PCDH9: variants seen among roughly 807,000 people sequenced by gnomAD.
PCDH9 encodes the protein protocadherin-9.
PCDH9 carries 24 observed loss-of-function variants against 70.6 expected under a neutral mutation model. That is an observed-to-expected ratio of 0.34 (90% confidence interval 0.25 to 0.48). PCDH9 has a LOEUF of 0.48. PCDH9 is among the 20% of genes least tolerant of loss of function. The pLI is 0.99. For synonymous variants in PCDH9, 562 were observed against 558.5 expected, an observed-to-expected ratio of 1.01 and a Z score of -0.09; for missense variants, 1,281 against 1,503.6, an observed-to-expected ratio of 0.85 and a Z score of 2.45.
intron 3 of PCDH9, chr13:66,877,065 CTGAAA>C (rs2081825805): frequency 7.9e-6 from 1 of 127,374 alleles, no homozygotes; most frequent in African/African-American, 3.3e-5. Flanking sequence ...AATGCATTAA[CTGAAA>C]GATAGAAAAG....
chr13:66,304,433 C>T lies in PCDH9; in HGVS notation c.*222G>A. The T allele has an allele frequency of 1.2e-5, 6 of 509,044 alleles. No homozygotes were observed. Among genetic ancestry groups the T allele is most frequent in the Non-Finnish European group, 2.1e-5 (6 of 286,638 alleles). The allele number at this position is 509,044 out of a possible 1,614,324, so 31.5% of individuals were successfully genotyped here. A position where few individuals can be genotyped will look rare whatever the true frequency, so the allele number is the denominator to read the frequency against. On this transcript the variant is annotated 3_prime_UTR_variant, in exon 5 of 5. Transcript: ENST00000377865. ...AAAAAAATTTGCACAATGGAGAGAT[C>T]TCTGGAGAGTGTAATCAATTCTAGT...
intron 4 of PCDH9, among the ~76,000 whole-genome samples, chr13:66,361,815 T>C (rs972025878): frequency 6.6e-6 from 1 of 152,192 alleles, no homozygotes; most frequent in East Asian, 1.9e-4. Flanking sequence ...CATAGGTTTA[T>C]CTGCAATGAT....
chr13:66,869,539 T>C (rs1194930652), intron 3 of PCDH9, among the ~76,000 whole-genome samples: 2 of 152,142 alleles, frequency 1.3e-5, no homozygotes, highest in African/African-American at 4.8e-5. Context: ...CTAAATTGTA[T>C]TGTTTCCCAT....
chr13:66,356,151 A>G (rs577126261), intron 4 of PCDH9, among the ~76,000 whole-genome samples: 1 of 152,270 alleles, frequency 6.6e-6, no homozygotes, highest in African/African-American at 2.4e-5. Context: ...AATTCAGAAC[A>G]AAAAGTATTG....
At chr13:66,833,762 G>A (rs973937443) in intron 3 of PCDH9, among the ~76,000 whole-genome samples, 1 of 152,146 alleles carries the variant, frequency 6.6e-6, no homozygotes, top group African/African-American at 2.4e-5. Flanking sequence ...AGGCATTTAT[G>A]AGTATATGAT....
intron 2 of PCDH9, among the ~76,000 whole-genome samples, chr13:67,031,924 T>C (rs1478599317): frequency 1.3e-5 from 2 of 152,170 alleles, no homozygotes; most frequent in African/African-American, 2.4e-5. Context: ...TTAGACCTCA[T>C]TGATGTAGCA....
rs748615430 is a variant in PCDH9, at chr13:67,227,338, T to C, written c.1103A>G (p.Asn368Ser). The change falls in exon 2 of 5, where the codon AAT (asparagine) becomes AGT (serine). Residue 368 changes from asparagine to serine, a missense_variant. Coordinates refer to ENST00000377865, the MANE Select transcript of PCDH9 (RefSeq NM_203487.3). This position sits in a 1 kb window ranked among gnomAD's most constrained non-coding sequence, Gnocchi z 4.6. The stretch of plus-strand genomic sequence containing the variant: ...TTTCTCAGATAAATACACGGTGCCA[T>C]TGATGGGACTTATAATGTACCTGAG... ...IDLRYIISPI[N>S]GTVYLSEKDP... The C allele has an allele frequency of 2.5e-6, 4 of 1,613,986 alleles. No homozygotes were observed. Among genetic ancestry groups the C allele is most frequent in the South Asian group, 2.2e-5 (2 of 91,062 alleles).
chr13:67,199,339 G>T (rs1467133758), intron 2 of PCDH9, among the ~76,000 whole-genome samples: 1 of 151,500 alleles, frequency 6.6e-6, no homozygotes, highest in African/African-American at 2.4e-5. Context: ...CTGTTTAAAG[G>T]TTAGTCATAA....
intron 4 of PCDH9, among the ~76,000 whole-genome samples, chr13:66,350,628 CTACCCTT>C (rs1419859952): frequency 6.6e-6 from 1 of 152,194 alleles, no homozygotes; most frequent in Admixed American, 6.5e-5. Context: ...AATTATATGA[CTACCCTT>C]TATTCTGTCT....
intron 4 of PCDH9, among the ~76,000 whole-genome samples, chr13:66,509,842 T>C (rs1421521323): frequency 1.3e-5 from 2 of 152,204 alleles, no homozygotes; most frequent in Non-Finnish European, 2.9e-5. Context: ...CCAAATGACA[T>C]CTTTCTAAAA....
intron 2 of PCDH9, among the ~76,000 whole-genome samples, chr13:66,998,728 C>G (rs1448378584): frequency 6.6e-6 from 1 of 152,200 alleles, no homozygotes; most frequent in African/African-American, 2.4e-5. Flanking sequence ...CTATAACCAG[C>G]CCTTACACTC....
At chr13:66,678,189 T>C (rs533016653) in intron 3 of PCDH9, among the ~76,000 whole-genome samples, 40 of 152,230 alleles carry the variant, frequency 2.6e-4, no homozygotes, top group African/African-American at 9.4e-4. Flanking sequence ...TGTTCAAACA[T>C]TGGCCTTAGC....
intron 4 of PCDH9, among the ~76,000 whole-genome samples, chr13:66,563,736 C>G (rs888533685): frequency 6.6e-6 from 1 of 152,164 alleles, no homozygotes; most frequent in Non-Finnish European, 1.5e-5. Context: ...CAAAACCATT[C>G]CTCCATTCCT....
intron 2 of PCDH9, among the ~76,000 whole-genome samples, chr13:67,151,322 C>T (rs1400669417): frequency 1.3e-5 from 2 of 152,092 alleles, no homozygotes; most frequent in African/African-American, 4.8e-5. Flanking sequence ...TTTGTATCCC[C>T]CAATTTGTTC....
chr13:67,093,544 T>A (rs1482903598), intron 2 of PCDH9, among the ~76,000 whole-genome samples: 1 of 152,124 alleles, frequency 6.6e-6, no homozygotes, highest in Non-Finnish European at 1.5e-5. Context: ...CAAAAACACC[T>A]TGGAGTAACA....
At chr13:66,717,795 A>T (rs2078891554) in intron 3 of PCDH9, among the ~76,000 whole-genome samples, 1 of 152,076 alleles carries the variant, frequency 6.6e-6, no homozygotes, top group African/African-American at 2.4e-5. Context: ...TCTGATTCTC[A>T]GAACAGAACT....
At chr13:67,014,612 C>T (rs75360178) in intron 2 of PCDH9, among the ~76,000 whole-genome samples, 2,662 of 150,734 alleles carry the variant, frequency 0.018, 37 homozygotes, top group Middle Eastern at 0.027. Flanking sequence ...AAATTCTGCC[C>T]TGTCCCACAC....
rs115383074 is a variant in PCDH9, at chr13:67,053,571, C to T, written c.3037-149966G>A. Among the ~76,000 whole-genome samples, 717 of 152,238 alleles carry T rather than the reference C, an allele frequency of 4.7e-3. 5 individuals carry two copies. Among genetic ancestry groups the T allele is most frequent in the African/African-American group, 0.017 (687 of 41,534 alleles). ...AGAGACAGCCTCTTTATTCTCCAGA[C>T]CACAAGCTATCTCAAAAGGAGTGAC... On this transcript the variant is annotated intron_variant, in intron 2 of 4. Transcript: ENST00000377865.
At chr13:66,900,083 G>C (rs1230908683) in intron 3 of PCDH9, among the ~76,000 whole-genome samples, 5 of 151,828 alleles carry the variant, frequency 3.3e-5, no homozygotes, top group Admixed American at 1.3e-4. Context: ...AATATGCATA[G>C]GTAATCTCTG....
Sources: gnomAD v4.1 joint callset for allele counts (sites outside exome capture counted in the v4.1 genomes callset) on GRCh38, gnomAD v4.1.1 for gene constraint, Gnocchi (gnomAD v3.1) non-coding constraint, MANE v1.5 for transcripts, NCBI Gene and HGNC (gene_info 2026-07-23, HGNC 2026-07-21) for gene names.